The following FLNB variants were observed in gnomAD, a reference collection of about 807,000 sequenced individuals.
FLNB encodes filamin B.
In FLNB, 111 loss-of-function variants were observed where a neutral mutation model predicts 250.6. The observed-to-expected ratio is 0.44, with a 90% CI of 0.38 to 0.52. The LOEUF is 0.52. Ranked by LOEUF, FLNB falls within the 20% of genes least tolerant of loss-of-function variation. The probability of loss-of-function intolerance (pLI) is 0.00; values close to 1 mark genes in which losing one functional copy is unlikely to be tolerated. For synonymous variants in FLNB, 1,302 were observed against 1,372.1 expected (o/e 0.95, Z 1.13); for missense variants, 2,869 against 3,447.8 (o/e 0.83, Z 4.20).
intron 7 of FLNB, among the ~76,000 whole-genome samples, 173 bp downstream of exon 7, chr3:58,098,150 CTAAAA>C (rs2097242365): frequency 6.6e-6 from 1 of 152,208 alleles, no homozygotes; most frequent in Non-Finnish European, 1.5e-5. Flanking sequence ...CTTTTCTTCT[CTAAAA>C]TACTCAGGCT....
At chr3:58,016,392 G>T (rs1348520017) in intron 1 of FLNB, among the ~76,000 whole-genome samples, 1 of 151,652 alleles carries the variant, frequency 6.6e-6, no homozygotes, top group Non-Finnish European at 1.5e-5. Flanking sequence ...GCCAAAAGGG[G>T]TCGTTTATCT....
At chr3:58,099,011 T>C (rs2107063498) in intron 8 of FLNB, 103 bp downstream of exon 8, 1 of 957,816 alleles carries the variant, frequency 1.0e-6, no homozygotes, top group African/African-American at 1.6e-5. Flanking sequence ...ATTGACCTTA[T>C]GCCTATCCCT....
chr3:58,158,112 G>A (rs915646304), intron 41 of FLNB, among the ~76,000 whole-genome samples: 3 of 152,138 alleles, frequency 2.0e-5, no homozygotes, highest in African/African-American at 7.2e-5. Context: ...CACTTGGGGT[G>A]GGGGTGGGAT....
chr3:58,009,681 G>A (rs1426439372), intron 1 of FLNB, among the ~76,000 whole-genome samples: 1 of 152,154 alleles, frequency 6.6e-6, no homozygotes, highest in Admixed American at 6.5e-5. Flanking sequence ...GGGTCCGGAG[G>A]GTTAATTGAC....
chr3:58,138,520 C>T lies in FLNB; in HGVS notation c.5100C>T (p.Phe1700=). ...GTGTTGATATTCCTAACAGCCCCTT[C>T]ACTGTCATGGTAAGGAAAATTCCTT... ...FGGVDIPNSP[F]TVMATDGEVT... The change falls in exon 29 of 46, where the codon TTC becomes TTT. Residue 1700 remains phenylalanine (F), a synonymous_variant. Transcript: ENST00000295956. 1 of 1,614,192 alleles carries T rather than the reference C, an allele frequency of 6.2e-7. No homozygotes were observed. The highest frequency in any genetic ancestry group is 2.2e-5 in the East Asian group (1 of 44,894).
At chr3:58,037,252 A>G (rs182247586) in intron 1 of FLNB, among the ~76,000 whole-genome samples, 1 of 151,852 alleles carries the variant, frequency 6.6e-6, no homozygotes, top group African/African-American at 2.4e-5. Flanking sequence ...TTTAGTAGAG[A>G]CGGGGTTTCG....
rs146387779 is a variant in FLNB, at chr3:58,106,470, G to T, written c.1748-210G>T. On this transcript the variant is annotated intron_variant, in intron 11 of 45. Transcript: ENST00000295956. ...CCACACCCAGCCCAGGCCTACATTTGAAAAAAAAAAAATATATATATATTT... is the reference window on the plus strand; with the variant it reads ...CCACACCCAGCCCAGGCCTACATTTTAAAAAAAAAAAATATATATATATTT... Among the ~76,000 whole-genome samples the T allele has an allele frequency of 0.014, 1,802 of 131,950 alleles. 38 individuals carry two copies. The highest frequency in any genetic ancestry group is 0.077 in the East Asian group (313 of 4,040). 86.6% of individuals were successfully genotyped at this position (131,950 alleles called of 152,430 possible). A position where few individuals can be genotyped will look rare whatever the true frequency, so the allele number is the denominator to read the frequency against.
chr3:58,138,538 A>T lies in FLNB; in HGVS notation c.5109+9A>T, dbSNP rs758011586. ...GCCCCTTCACTGTCATGGTAAGGAA[A>T]ATTCCTTCTCCCGAGCATGCTGTTA... On this transcript the variant is annotated intron_variant, in intron 29 of 45. Transcript: ENST00000295956. 6.2e-7 allele frequency: 1 copy of T among 1,614,098 alleles called. No homozygotes were observed. Among genetic ancestry groups the T allele is most frequent in the South Asian group, 1.1e-5 (1 of 91,084 alleles).
chr3:58,012,590 T>C (rs552117678), intron 1 of FLNB, among the ~76,000 whole-genome samples: 1 of 152,288 alleles, frequency 6.6e-6, no homozygotes, highest in South Asian at 2.1e-4. Flanking sequence ...ACCTCTGACC[T>C]TGGACAAAAT....
intron 1 of FLNB, among the ~76,000 whole-genome samples, chr3:58,061,590 G>C (rs6783821): frequency 0.064 from 9,719 of 151,726 alleles, 1,038 homozygotes; most frequent in African/African-American, 0.22. Context: ...AGCCAGGCAT[G>C]GTGGTGACTG....
Position 58,118,859 on chromosome 3 carries a change from T to A in FLNB, c.2746-13T>A. ...GTACCCAAAGGTAAACTGAGTTTTCTCTCTTGTTCCAGGGCAACATGCAGG... is the reference window on the plus strand; with the variant it reads ...GTACCCAAAGGTAAACTGAGTTTTCACTCTTGTTCCAGGGCAACATGCAGG... On this transcript the variant is annotated splice_polypyrimidine_tract_variant and intron_variant, in intron 18 of 45. Coordinates refer to ENST00000295956, the MANE Select transcript of FLNB (RefSeq NM_001457.4). 1.2e-6 allele frequency: 2 copies of A among 1,608,358 alleles called. No individual in the cohort carries two copies. Among genetic ancestry groups the A allele is most frequent in the Non-Finnish European group, 1.7e-6 (2 of 1,174,774 alleles).
chr3:58,094,524 C>T (rs951536014), intron 4 of FLNB, among the ~76,000 whole-genome samples: 1 of 152,212 alleles, frequency 6.6e-6, no homozygotes, highest in African/African-American at 2.4e-5. Flanking sequence ...AAGCTTCGCT[C>T]CTCCCTGCTG....
intron 16 of FLNB, 105 bp downstream of exon 16, chr3:58,110,275 AT>A: frequency 1.7e-6 from 2 of 1,180,728 alleles, no homozygotes; most frequent in Non-Finnish European, 2.5e-6. Flanking sequence ...TAGTATTATT[AT>A]TTTTGAGATG....
intron 1 of FLNB, among the ~76,000 whole-genome samples, chr3:58,015,098 C>T (rs139231062): frequency 1.3e-5 from 2 of 152,192 alleles, no homozygotes; most frequent in African/African-American, 2.4e-5. Context: ...TTCAGGGCCT[C>T]GGTCTGAAGC....
At position 58,155,054 on chromosome 3, in the gene FLNB, C is replaced by A. The variant is rs780608858; in HGVS notation, c.6772+126C>A. On this transcript the variant is annotated intron_variant, in intron 40 of 45. Coordinates refer to ENST00000295956, the MANE Select transcript of FLNB (RefSeq NM_001457.4). Reference sequence around the variant, plus strand: ...CTATGTGTATGGGCACATGGGACAGCCTCCTAGAAATCCAGTTGCAAGATA... The same window carrying A: ...CTATGTGTATGGGCACATGGGACAGACTCCTAGAAATCCAGTTGCAAGATA... 2.8e-5 allele frequency: 26 copies of A among 926,338 alleles called. No homozygotes were observed. In the Admixed American group the frequency reaches 4.8e-4, roughly 17 times the overall value. 57.4% of individuals were successfully genotyped at this position (926,338 alleles called of 1,614,324 possible). A position where few individuals can be genotyped will look rare whatever the true frequency, so the allele number is the denominator to read the frequency against.
In FLNB at chr3:58,169,398, C is replaced by G; in HGVS notation, c.7418-192C>G. The G allele has an allele frequency of 1.6e-6, 1 of 625,388 alleles. No homozygotes were observed. The highest frequency in any genetic ancestry group is 1.8e-5 in the South Asian group (1 of 56,688). The allele number at this position is 625,388 out of a possible 1,614,324, so 38.7% of individuals were successfully genotyped here. On this transcript the variant is annotated intron_variant, in intron 44 of 45. Transcript: ENST00000295956. This position sits in a 1 kb window ranked among gnomAD's most constrained non-coding sequence, Gnocchi z 4.8. ...CATCCATTTGCCCAGAAAGCCAGAT[C>G]CTAGTTGTATGGGGGTGGGATCCTA...
At chr3:58,055,569 G>A (rs770679979) in intron 1 of FLNB, among the ~76,000 whole-genome samples, 2 of 152,204 alleles carry the variant, frequency 1.3e-5, no homozygotes, top group Admixed American at 6.5e-5. Flanking sequence ...TGAGATTTGG[G>A]TGGGGACACA....
At chr3:58,150,069 C>A (rs763250620) in intron 37 of FLNB, 36 bp from the exon 38 acceptor site, 19 of 1,614,162 alleles carry the variant, frequency 1.2e-5, no homozygotes, top group Non-Finnish European at 1.5e-5. Flanking sequence ...GCCTTGGCCT[C>A]TGGCCTGCTC....
chr3:58,008,570 G>C lies in FLNB; in HGVS notation c.6G>C (p.Pro2=). 6.3e-7 allele frequency: 1 copy of C among 1,592,540 alleles called. No individual in the cohort carries two copies. The highest frequency in any genetic ancestry group is 8.5e-7 in the Non-Finnish European group (1 of 1,170,444). The stretch of plus-strand genomic sequence containing the variant: ...GCGCTCTCCCCGCCACCAGGATGCC[G>C]GTAACCGAGAAGGATCTAGCTGAGG... M[P]VTEKDLAEDA... Residue 2 remains proline (P), a synonymous_variant, in exon 1 of 46, where the codon CCG becomes CCC. Coordinates refer to ENST00000295956, the MANE Select transcript of FLNB (RefSeq NM_001457.4).
Sources: allele counts gnomAD v4.1 joint callset (sites outside exome capture counted in the v4.1 genomes callset), GRCh38; gene constraint gnomAD v4.1.1; non-coding constraint Gnocchi (gnomAD v3.1); transcripts MANE v1.5; gene names NCBI Gene and HGNC (gene_info 2026-07-23, HGNC 2026-07-21).